The following SMYD3 variants were observed in gnomAD, a reference collection of about 807,000 sequenced individuals.
SMYD3 encodes histone-lysine N-methyltransferase SMYD3.
SMYD3 carries 36 observed loss-of-function variants against 57.7 expected under a neutral mutation model. The observed-to-expected ratio is 0.62, with a 90% confidence interval of 0.48 to 0.82. The LOEUF is 0.82. SMYD3 is among the 40% of genes least tolerant of loss of function. The probability of loss-of-function intolerance (pLI) is 0.00; values close to 1 mark genes in which losing one functional copy is unlikely to be tolerated. For missense variants in SMYD3, 515 were observed against 538.8 expected, an observed-to-expected ratio of 0.96 and a Z score of 0.44; for synonymous variants, 211 against 195.0, an observed-to-expected ratio of 1.08 and a Z score of -0.68.
chr1:246,331,387 T>C (rs1247616804), intron 3 of SMYD3, among the ~76,000 whole-genome samples: 3 of 152,206 alleles, frequency 2.0e-5, no homozygotes, highest in Non-Finnish European at 2.9e-5. Context: ...GAAAATGACA[T>C]GCTCGCCCTG....
chr1:246,491,369 C>G (rs749777862), intron 1 of SMYD3, among the ~76,000 whole-genome samples: 1 of 152,234 alleles, frequency 6.6e-6, no homozygotes, highest in Admixed American at 6.5e-5. Context: ...AAAACTCCGT[C>G]TGTACTAAAA....
At chr1:245,876,773 T>C (rs1008689917) in intron 8 of SMYD3, among the ~76,000 whole-genome samples, 3 of 152,200 alleles carry the variant, frequency 2.0e-5, no homozygotes, top group African/African-American at 7.2e-5. Flanking sequence ...TTCCAGTGGT[T>C]GAAACGGCCA....
chr1:245,977,095 T>C (rs918120528), intron 5 of SMYD3, among the ~76,000 whole-genome samples: 10 of 151,974 alleles, frequency 6.6e-5, no homozygotes, highest in African/African-American at 2.4e-4. Flanking sequence ...TGTGACACTC[T>C]TAACCTCATC....
chr1:246,261,805 T>C (rs553105220), intron 5 of SMYD3, among the ~76,000 whole-genome samples: 11 of 152,340 alleles, frequency 7.2e-5, no homozygotes, highest in African/African-American at 2.2e-4. Flanking sequence ...ACGAATGACA[T>C]TCTGTACAGA....
chr1:246,159,740 C>T (rs1489846380), intron 5 of SMYD3, among the ~76,000 whole-genome samples: 1 of 152,064 alleles, frequency 6.6e-6, no homozygotes. Flanking sequence ...GCAGGGAACA[C>T]GACGGAAGCA....
At chr1:246,183,960 C>A (rs7543053) in intron 5 of SMYD3, among the ~76,000 whole-genome samples, 2,285 of 152,226 alleles carry the variant, frequency 0.015, 54 homozygotes, top group African/African-American at 0.053. Context: ...AAAGTCAAAG[C>A]GCTTTAATAA....
At chr1:245,820,946 A>C (rs2049123486) in intron 10 of SMYD3, among the ~76,000 whole-genome samples, 1 of 151,262 alleles carries the variant, frequency 6.6e-6, no homozygotes, top group South Asian at 2.2e-4. Context: ...GGAAGAATCA[A>C]TATCGTGAAA....
chr1:245,833,570 A>T (rs748753815), intron 10 of SMYD3, among the ~76,000 whole-genome samples: 1 of 152,248 alleles, frequency 6.6e-6, no homozygotes, highest in African/African-American at 2.4e-5. Context: ...TGGCAGCCAC[A>T]TGGCCTCACT....
chr1:245,929,905 C>T lies in SMYD3; in HGVS notation c.564G>A (p.Ala188=), dbSNP rs774520817. The T allele has an allele frequency of 4.8e-5, 77 of 1,613,688 alleles. No individual in the cohort carries two copies. Among genetic ancestry groups the T allele is most frequent in the Non-Finnish European group, 6.1e-5 (72 of 1,179,806 alleles). Residue 188 remains alanine (A), a synonymous_variant, in exon 6 of 12, where the codon GCG becomes GCA. Coordinates refer to ENST00000490107, the MANE Select transcript of SMYD3 (RefSeq NM_001167740.2). ...GGCCAACACCAACTTCCTGCATCTC[C>T]GCATTACAGATGGTGAAAGAGTTGC... ...VICNSFTICN[A]EMQEVGVGLY... is the part of the protein sequence containing the mutation.
chr1:245,815,391 T>G (rs1023605818), intron 10 of SMYD3, among the ~76,000 whole-genome samples: 1 of 152,236 alleles, frequency 6.6e-6, no homozygotes, highest in South Asian at 2.1e-4. Flanking sequence ...TCCATGGTCA[T>G]CTAGTCCAAG....
intron 5 of SMYD3, among the ~76,000 whole-genome samples, chr1:245,934,919 A>G (rs1443011000): frequency 6.6e-6 from 1 of 152,180 alleles, no homozygotes; most frequent in Non-Finnish European, 1.5e-5. Context: ...TCTTCACTAC[A>G]CTGCTAGTCT....
intron 5 of SMYD3, among the ~76,000 whole-genome samples, chr1:246,094,627 G>A (rs992291868): frequency 6.6e-5 from 10 of 152,120 alleles, no homozygotes; most frequent in African/African-American, 2.2e-4. Flanking sequence ...AAGAATTGCC[G>A]TTCAATGCCC....
In SMYD3 at chr1:246,179,795, T is replaced by C. The variant is rs113373931; in HGVS notation, c.531+147406A>G. 1.6e-3 allele frequency among the ~76,000 whole-genome samples: 244 copies of C among 152,310 alleles called. 1 individual carries two copies. Among genetic ancestry groups the C allele is most frequent in the African/African-American group, 5.4e-3 (226 of 41,552 alleles). The stretch of plus-strand genomic sequence containing the variant: ...ATTGAGCTCCAGGCTTTCTATGTGT[T>C]GATAGCGGAGATTTGGACCCTCCAT... On this transcript the variant is annotated intron_variant, in intron 5 of 11. Coordinates refer to ENST00000490107, the MANE Select transcript of SMYD3 (RefSeq NM_001167740.2).
chr1:245,952,159 T>C (rs1001848240), intron 5 of SMYD3, among the ~76,000 whole-genome samples: 9 of 152,190 alleles, frequency 5.9e-5, no homozygotes, highest in Non-Finnish European at 8.8e-5. Context: ...TATCTATCAA[T>C]TATACCATGA....
Position 246,446,531 on chromosome 1 carries a change from G to A in SMYD3, c.164+60523C>T, listed in dbSNP as rs372634463. 5.3e-5 allele frequency among the ~76,000 whole-genome samples: 8 copies of A among 152,248 alleles called. No individual in the cohort carries two copies. The South Asian group carries it at 1.7e-3, about 32-fold the overall frequency. On this transcript the variant is annotated intron_variant, in intron 1 of 11. Coordinates refer to ENST00000490107, the MANE Select transcript of SMYD3 (RefSeq NM_001167740.2). ...CCACATCAGAGATATTAGAGGTGCT[G>A]TTTTTCTAAACCCATTTAATGTAGC... is the stretch of plus-strand genomic sequence containing the variant.
chr1:245,749,454 C>G lies in SMYD3; in HGVS notation c.*109G>C. 1 of 793,912 alleles carries G rather than the reference C, an allele frequency of 1.3e-6. No individual in the cohort carries two copies. The highest frequency in any genetic ancestry group is 2.1e-6 in the Non-Finnish European group (1 of 484,086). The allele number at this position is 793,912 out of a possible 1,614,324, so 49.2% of individuals were successfully genotyped here. A position where few individuals can be genotyped will look rare whatever the true frequency, so the allele number is the denominator to read the frequency against. On this transcript the variant is annotated 3_prime_UTR_variant, in exon 12 of 12. Coordinates refer to ENST00000490107, the MANE Select transcript of SMYD3 (RefSeq NM_001167740.2). ...TTTATTTACCTACACAAACACGGAA[C>G]AGAATTTCCAATAGGAGAGGTTCAC... is the stretch of plus-strand genomic sequence containing the variant.
chr1:246,242,772 A>G (rs972274031), intron 5 of SMYD3, among the ~76,000 whole-genome samples: 1 of 146,602 alleles, frequency 6.8e-6, no homozygotes, highest in African/African-American at 2.5e-5. Context: ...AAGCAAATGG[A>G]AAACAAAAAA....
chr1:246,103,676 C>G (rs578151696), intron 5 of SMYD3, among the ~76,000 whole-genome samples: 8 of 152,282 alleles, frequency 5.3e-5, no homozygotes, highest in African/African-American at 1.9e-4. Context: ...TGCGCCTGGG[C>G]TCTAACCAAA....
chr1:245,864,016 G>T, intron 8 of SMYD3, 130 bp from the exon 9 acceptor site: 1 of 767,630 alleles, frequency 1.3e-6, no homozygotes, highest in South Asian at 1.7e-5. Flanking sequence ...TTTATCATCA[G>T]GGAAATATAT....
Sources: allele counts gnomAD v4.1 joint callset (sites outside exome capture counted in the v4.1 genomes callset), GRCh38; gene constraint gnomAD v4.1.1; transcripts MANE v1.5; gene names NCBI Gene and HGNC (gene_info 2026-07-23, HGNC 2026-07-21).